HRAS: variants seen among roughly 807,000 people sequenced by gnomAD.
The protein encoded by HRAS is HRas proto-oncogene, GTPase.
Under a neutral mutation model 19.8 loss-of-function variants are expected in HRAS, and 11 were observed. The observed-to-expected ratio is 0.55, with a 90% CI of 0.35 to 0.92. HRAS has a LOEUF of 0.92. HRAS is among the 40% of genes least tolerant of loss of function. The pLI is 0.01. For synonymous variants in HRAS, 149 were observed against 105.5 expected, an observed-to-expected ratio of 1.41 and a Z score of -2.52; for missense variants, 204 against 255.9, an observed-to-expected ratio of 0.80 and a Z score of 1.38.
intron 1 of HRAS, 118 bp from the exon 2 acceptor site, chr11:534,493 G>C: frequency 1.6e-6 from 1 of 622,494 alleles, no homozygotes; most frequent in Non-Finnish European, 2.8e-6. Flanking sequence ...CCAACGCCAG[G>C]CAGCAAGGAC....
rs1281699103 is a variant in HRAS, at chr11:532,459, C to T, written c.*69G>A. On this transcript the variant is annotated 3_prime_UTR_variant, in exon 6 of 6. Transcript: ENST00000311189. ...TCCTTCCTTCCTTGCTTCCGTCCTT[C>T]CTTCCTCCTCCTTCCGTCTGCACCT... The T allele has an allele frequency of 5.8e-6, 5 of 861,886 alleles. No homozygotes were observed. Among genetic ancestry groups the T allele is most frequent in the Non-Finnish European group, 5.3e-6 (3 of 561,150 alleles). 53.4% of individuals were successfully genotyped at this position (861,886 alleles called of 1,614,324 possible).
rs766801436 is a variant in HRAS at position 533,505 on chromosome 11, A to G, written c.398T>C (p.Leu133Pro). 1 of 1,613,428 alleles carries G rather than the reference A, an allele frequency of 6.2e-7. No homozygotes were observed. Among genetic ancestry groups the G allele is most frequent in the Non-Finnish European group, 8.5e-7 (1 of 1,179,968 alleles). ...RTVESRQAQD[L>P]ARSYGIPYIE... ...GTAGGGGATGCCGTAGCTTCGGGCGAGGTCCTGAGCCTGCCGAGATTCCAC... is the reference window on the plus strand; with the variant it reads ...GTAGGGGATGCCGTAGCTTCGGGCGGGGTCCTGAGCCTGCCGAGATTCCAC... Residue 133 changes from leucine to proline, a missense_variant, in exon 4 of 6, where the codon CTC becomes CCC. This residue lies in a region of HRAS where 142 missense variants were observed against 141.1 expected (regional missense o/e 1.01). Coordinates refer to ENST00000311189, the MANE Select transcript of HRAS (RefSeq NM_005343.4).
chr11:533,363 G>A lies in HRAS; in HGVS notation c.450+90C>T. 7 of 1,607,052 alleles carry A rather than the reference G, an allele frequency of 4.4e-6. No homozygotes were observed. In the South Asian group the frequency reaches 6.6e-5, roughly 15 times the overall value. On this transcript the variant is annotated intron_variant, in intron 4 of 5. Transcript: ENST00000311189. The stretch of plus-strand genomic sequence containing the variant: ...GCTAGAGCCAGAGCGGCTGCCCTGT[G>A]TCAAGGGAGAGGGTCAGTGAGTGCT...
chr11:533,849 G>A lies in HRAS; in HGVS notation c.207C>T (p.Asp69=), dbSNP rs2133990684. 1 of 1,613,344 alleles carries A rather than the reference G, an allele frequency of 6.2e-7. No individual in the cohort carries two copies. The highest frequency in any genetic ancestry group is 8.5e-7 in the Non-Finnish European group (1 of 1,179,998). ...AGCCCTCCCCGGTGCGCATGTACTG[G>A]TCCCGCATGGCGCTGTACTCCTCCT... ...AGQEEYSAMR[D]QYMRTGEGFL... Residue 69 remains aspartate (D), a synonymous_variant, in exon 3 of 6, where the codon GAC becomes GAT. Coordinates refer to ENST00000311189, the MANE Select transcript of HRAS (RefSeq NM_005343.4).
rs1851171104 is a variant in HRAS, at chr11:532,619, A to C, written c.*5+12T>G. The C allele has an allele frequency of 5.0e-6, 8 of 1,607,464 alleles. No homozygotes were observed. Among genetic ancestry groups the C allele is most frequent in the Non-Finnish European group, 6.8e-6 (8 of 1,179,286 alleles). ...CGGTGGGCGTGGCGGCCGCCCTGGGAGTCCCCCTCACCTGCGTCAGGAGAG... is the reference window on the plus strand; with the variant it reads ...CGGTGGGCGTGGCGGCCGCCCTGGGCGTCCCCCTCACCTGCGTCAGGAGAG... On this transcript the variant is annotated intron_variant, in intron 5 of 5. Transcript: ENST00000311189.
At chr11:533,326 CCCGGAG>C in intron 4 of HRAS, 121 bp downstream of exon 4, 1 of 1,604,132 alleles carries the variant, frequency 6.2e-7, no homozygotes, top group Non-Finnish European at 8.5e-7. Context: ...CCCAGAGGGT[CCCGGAG>C]CTGGAGCTAG....
intron 1 of HRAS, among the ~76,000 whole-genome samples, chr11:534,990 G>A (rs1238196497): frequency 6.6e-6 from 1 of 152,214 alleles, no homozygotes; most frequent in Non-Finnish European, 1.5e-5. Flanking sequence ...AAGCGGCGCG[G>A]GAGACCCGGA....
rs775904299 is a variant in HRAS, at chr11:533,378, C to G, written c.450+75G>C. ...GCTGCCCTGTGTCAAGGGAGAGGGTCAGTGAGTGCTGCTCCCTGGCTGGGG... is the reference window on the plus strand; with the variant it reads ...GCTGCCCTGTGTCAAGGGAGAGGGTGAGTGAGTGCTGCTCCCTGGCTGGGG... On this transcript the variant is annotated intron_variant, in intron 4 of 5. Coordinates refer to ENST00000311189, the MANE Select transcript of HRAS (RefSeq NM_005343.4). 6.2e-6 allele frequency: 10 copies of G among 1,606,152 alleles called. No homozygotes were observed. In the South Asian group the frequency reaches 1.1e-4, roughly 18 times the overall value.
chr11:534,115 A>G, intron 2 of HRAS, 97 bp downstream of exon 2: 1 of 1,194,830 alleles, frequency 8.4e-7, no homozygotes, highest in Non-Finnish European at 1.2e-6. Context: ...CCACAGCACC[A>G]TGCAGGGGAC....
chr11:533,498 T>G lies in HRAS; in HGVS notation c.405A>C (p.Arg135=). ...TCTCGATGTAGGGGATGCCGTAGCT[T>G]CGGGCGAGGTCCTGAGCCTGCCGAG... is the stretch of plus-strand genomic sequence containing the variant. ...VESRQAQDLA[R]SYGIPYIETS... is the part of the protein sequence containing the mutation. The change falls in exon 4 of 6, where the codon CGA becomes CGC. Residue 135 remains arginine, a synonymous_variant. Transcript: ENST00000311189. 1 of 1,613,592 alleles carries G rather than the reference T, an allele frequency of 6.2e-7. No homozygotes were observed. The highest frequency in any genetic ancestry group is 8.5e-7 in the Non-Finnish European group (1 of 1,179,978).
intron 1 of HRAS, among the ~76,000 whole-genome samples, chr11:535,005 GA>G (rs1056422778): frequency 3.3e-5 from 5 of 152,202 alleles, no homozygotes; most frequent in African/African-American, 1.2e-4. Flanking sequence ...CCCGGAGAGG[GA>G]AAAGGCACTG....
Position 535,452 on chromosome 11 carries a change from GGGCCGA to G in HRAS, c.-96_-91del, listed in dbSNP as rs1049601890. The G allele has an allele frequency of 9.0e-5, 11 of 122,716 alleles. No homozygotes were observed. Among genetic ancestry groups the G allele is most frequent in the African/African-American group, 2.6e-4 (10 of 38,846 alleles). The allele number at this position is 122,716 out of a possible 1,614,324, so 7.6% of individuals were successfully genotyped here. On this transcript the variant is annotated 5_prime_UTR_variant, in exon 1 of 6. Transcript: ENST00000311189. ...GCGACTGCCCCCGGGGCCAGGGCCG[GGGCCGA>G]GGCCGGGGCGGGGCGGGGGCGGGGG...
rs375983338 is a variant in HRAS, at chr11:533,642, G to A, written c.291-30C>T. 2.1e-4 allele frequency: 338 copies of A among 1,613,260 alleles called. 3 individuals carry two copies. The Admixed American group carries it at 2.5e-3, about 12-fold the overall frequency. ...GAGGTGGAAAGCGAGAGCTGGCTACGGGGGCTGCAGGCGCAGCGGCATCCA... is the reference window on the plus strand; with the variant it reads ...GAGGTGGAAAGCGAGAGCTGGCTACAGGGGCTGCAGGCGCAGCGGCATCCA... On this transcript the variant is annotated intron_variant, in intron 3 of 5. Transcript: ENST00000311189.
intron 1 of HRAS, 152 bp downstream of exon 1, chr11:535,264 C>T (rs1851401620): frequency 1.4e-5 from 2 of 145,216 alleles, no homozygotes; most frequent in South Asian, 1.8e-4. Flanking sequence ...CACCTGTGCC[C>T]GCGGGCCCCG....
chr11:532,690 G>A lies in HRAS; in HGVS notation c.516C>T (p.Asn172=), dbSNP rs765180494. Residue 172 remains asparagine (N), a synonymous_variant, in exon 5 of 6, where the codon AAC becomes AAT. Coordinates refer to ENST00000311189, the MANE Select transcript of HRAS (RefSeq NM_005343.4). ...AGCCGGGGCCACTCTCATCAGGAGG[G>A]TTCAGCTTCCGCAGCTTGTGCTGCC... ...EIRQHKLRKL[N]PPDESGPGCM... 5 of 1,613,156 alleles carry A rather than the reference G, an allele frequency of 3.1e-6. No individual in the cohort carries two copies. Among genetic ancestry groups the A allele is most frequent in the Admixed American group, 3.3e-5 (2 of 60,028 alleles).
intron 1 of HRAS, among the ~76,000 whole-genome samples, chr11:534,953 G>A (rs1312695209): frequency 6.6e-6 from 1 of 152,252 alleles, no homozygotes; most frequent in East Asian, 1.9e-4. Context: ...CTGGGAAGCA[G>A]GGACTGAGCG....
At position 533,964 on chromosome 11, in the gene HRAS, A is replaced by G; in HGVS notation, c.112-20T>C. 6.2e-7 allele frequency: 1 copy of G among 1,607,412 alleles called. No homozygotes were observed. Among genetic ancestry groups the G allele is most frequent in the South Asian group, 1.1e-5 (1 of 91,082 alleles). ...GGAATCCTGCAGGAGGACAGGGCTCAGGGACCCCCTCAGGACCTTCCGTGG... is the reference window on the plus strand; with the variant it reads ...GGAATCCTGCAGGAGGACAGGGCTCGGGGACCCCCTCAGGACCTTCCGTGG... On this transcript the variant is annotated intron_variant, in intron 2 of 5. Transcript: ENST00000311189.
At chr11:532,585 G>A (rs771875930) in intron 5 of HRAS, 46 bp downstream of exon 5, 32 of 1,587,026 alleles carry the variant, frequency 2.0e-5, no homozygotes, top group Non-Finnish European at 2.4e-5. Context: ...GCGGGGAGCC[G>A]GGGTCATCCG....
At position 533,958 on chromosome 11, in the gene HRAS, G is replaced by C. The variant is rs753906417; in HGVS notation, c.112-14C>G. ...CCGGTAGGAATCCTGCAGGAGGACA[G>C]GGCTCAGGGACCCCCTCAGGACCTT... On this transcript the variant is annotated splice_polypyrimidine_tract_variant and intron_variant, in intron 2 of 5. Transcript: ENST00000311189. The C allele has an allele frequency of 1.2e-6, 2 of 1,608,400 alleles. No individual in the cohort carries two copies. The highest frequency in any genetic ancestry group is 3.3e-5 in the Admixed American group (2 of 60,024).
Sources: allele counts gnomAD v4.1 joint callset (sites outside exome capture counted in the v4.1 genomes callset), GRCh38; gene constraint gnomAD v4.1.1; regional missense constraint gnomAD v4.1.1; transcripts MANE v1.5; gene names NCBI Gene and HGNC (gene_info 2026-07-23, HGNC 2026-07-21).